Variants in XIRP2 observed in about 807,000 individuals in gnomAD.
The protein encoded by XIRP2 is xin actin-binding repeat-containing protein 2.
A neutral mutation model predicts 277.0 loss-of-function variants in XIRP2; 236 were observed. The observed-to-expected ratio is 0.85, with a 90% confidence interval of 0.77 to 0.95. The LOEUF is 0.95. Among genes scored for constraint, XIRP2 ranks in the 40% least tolerant of loss-of-function variants. The pLI is 0.00. For synonymous variants in XIRP2, 1,490 were observed against 1,416.5 expected (o/e 1.05, Z -1.17); for missense variants, 4,640 against 4,157.5 (o/e 1.12, Z -3.19).
At chr2:167,143,656 G>C (rs1365176008) in intron 3 of XIRP2, among the ~76,000 whole-genome samples, 1 of 152,208 alleles carries the variant, frequency 6.6e-6, no homozygotes, top group East Asian at 1.9e-4. Flanking sequence ...TCAGCTGCCA[G>C]GTTAGGAAGA....
chr2:167,242,728 T>C lies in XIRP2; in HGVS notation c.1336T>C (p.Ser446Pro), dbSNP rs1248633650. 1 of 1,614,108 alleles carries C rather than the reference T, an allele frequency of 6.2e-7. No individual in the cohort carries two copies. The highest frequency in any genetic ancestry group is 8.5e-7 in the Non-Finnish European group (1 of 1,179,996). Residue 446 changes from serine to proline, a missense_variant, in exon 9 of 11, where the codon TCA (serine) becomes CCA (proline). By Grantham distance (74) the Ser-to-Pro change is moderately conservative. Transcript: ENST00000409195. Reference sequence around the variant, plus strand: ...TCTGGCACAAATTAATGCTACTTCTTCAGGAATGACAGAAGAATTTCCTCC... The same window carrying C: ...TCTGGCACAAATTAATGCTACTTCTCCAGGAATGACAGAAGAATTTCCTCC... The part of the protein sequence containing the change: ...STLAQINATS[S>P]GMTEEFPPPP...
intron 3 of XIRP2, among the ~76,000 whole-genome samples, chr2:167,194,936 T>A (rs1693458728): frequency 6.6e-6 from 1 of 152,186 alleles, no homozygotes; most frequent in South Asian, 2.1e-4. Flanking sequence ...ACTATATGAG[T>A]ATAATGTAAC....
chr2:167,244,822 G>A lies in XIRP2; in HGVS notation c.3430G>A (p.Glu1144Lys), dbSNP rs940872811. The A allele has an allele frequency of 6.2e-7, 1 of 1,613,708 alleles. No homozygotes were observed. The highest frequency in any genetic ancestry group is 8.5e-7 in the Non-Finnish European group (1 of 1,179,748). Residue 1144 changes from glutamate (E) to lysine (K), a missense_variant, in exon 9 of 11, where the codon GAA becomes AAA. Physicochemically the swap from Glu to Lys is moderately conservative, Grantham distance 56. Transcript: ENST00000409195. ...ACTTGATACCATAAAAGATGACTCT[G>A]AAACAGCAGTCAAATTGCAAACTGT... The part of the protein sequence containing the change: ...QPLDTIKDDS[E>K]TAVKLQTVKQ...
intron 2 of XIRP2, among the ~76,000 whole-genome samples, chr2:167,130,638 C>A (rs779616841): frequency 6.6e-6 from 1 of 152,048 alleles, no homozygotes; most frequent in African/African-American, 2.4e-5. Flanking sequence ...CTTTATCTGT[C>A]TTCCAGTTTA....
intron 2 of XIRP2, among the ~76,000 whole-genome samples, chr2:166,998,312 G>A (rs996541482): frequency 6.6e-6 from 1 of 152,014 alleles, no homozygotes; most frequent in South Asian, 2.1e-4. Flanking sequence ...TTAGGTTAAG[G>A]TGACTCCAAG....
At chr2:166,983,168 C>T (rs140001923) in intron 2 of XIRP2, among the ~76,000 whole-genome samples, 3 of 152,026 alleles carry the variant, frequency 2.0e-5, no homozygotes, top group African/African-American at 7.2e-5. Context: ...AAGTTTTTTT[C>T]ATCTGTATTG....
intron 5 of XIRP2, among the ~76,000 whole-genome samples, chr2:167,230,864 A>C (rs1320105581): frequency 1.3e-5 from 2 of 152,066 alleles, no homozygotes; most frequent in African/African-American, 4.8e-5. Context: ...TTTACCAGCG[A>C]AGATACTGAG....
intron 2 of XIRP2, among the ~76,000 whole-genome samples, chr2:166,981,031 A>T (rs1310055190): frequency 1.3e-5 from 2 of 152,146 alleles, no homozygotes; most frequent in Non-Finnish European, 2.9e-5. Flanking sequence ...GAGTATTAGT[A>T]TGTTTACTGC....
At chr2:167,093,254 A>C (rs1168211148) in intron 2 of XIRP2, among the ~76,000 whole-genome samples, 2 of 151,206 alleles carry the variant, frequency 1.3e-5, no homozygotes, top group East Asian at 3.9e-4. Flanking sequence ...GATTAGTATA[A>C]TTATCAAGTG....
At position 167,244,059 on chromosome 2, in the gene XIRP2, C is replaced by G; in HGVS notation, c.2667C>G (p.Asp889Glu). 2 of 1,613,814 alleles carry G rather than the reference C, an allele frequency of 1.2e-6. No homozygotes were observed. The highest frequency in any genetic ancestry group is 1.7e-6 in the Non-Finnish European group (2 of 1,179,892). Residue 889 changes from aspartate (D) to glutamate (E), a missense_variant, in exon 9 of 11, where the codon GAC (aspartate) becomes GAG (glutamate). Transcript: ENST00000409195. ...CACTTCCAATTGAAGCATTAAAAGACAGTCCTGATATAGGAAAGCTTCAAA... is the reference window on the plus strand; with the variant it reads ...CACTTCCAATTGAAGCATTAAAAGAGAGTCCTGATATAGGAAAGCTTCAAA... ...FETLPIEALK[D>E]SPDIGKLQKI...
intron 2 of XIRP2, among the ~76,000 whole-genome samples, chr2:167,013,527 C>T (rs193112459): frequency 7.7e-4 from 116 of 151,490 alleles, no homozygotes; most frequent in Middle Eastern, 3.4e-3. Flanking sequence ...GGTTCTTCCT[C>T]ATATTAGAAA....
rs1460869226 is a variant in XIRP2, at chr2:167,250,051, C to T, written c.8659C>T (p.Pro2887Ser). 4.3e-6 allele frequency: 7 copies of T among 1,613,488 alleles called. No individual in the cohort carries two copies. Among genetic ancestry groups the T allele is most frequent in the South Asian group, 3.3e-5 (3 of 91,076 alleles). ...AAGTAAAGCTGAACATAAAAAATTGCCCCAGCCATATAATAGTCTGCAGGA... is the reference window on the plus strand; with the variant it reads ...AAGTAAAGCTGAACATAAAAAATTGTCCCAGCCATATAATAGTCTGCAGGA... ...AESKAEHKKL[P>S]QPYNSLQEEK... The change falls in exon 9 of 11, where the codon CCC becomes TCC. Residue 2887 changes from proline (P) to serine (S), a missense_variant. By Grantham distance (74) the Pro-to-Ser change is moderately conservative. Coordinates refer to ENST00000409195, the MANE Select transcript of XIRP2 (RefSeq NM_152381.6).
chr2:167,169,093 T>C (rs188788579), intron 3 of XIRP2, among the ~76,000 whole-genome samples: 4 of 152,266 alleles, frequency 2.6e-5, no homozygotes, highest in East Asian at 1.9e-4. Flanking sequence ...AATGAACCTT[T>C]AGTAGTATAG....
Position 167,250,746 on chromosome 2 carries a change from A to G in XIRP2, c.9354A>G (p.Pro3118=). 1.2e-6 allele frequency: 2 copies of G among 1,613,574 alleles called. No homozygotes were observed. Among genetic ancestry groups the G allele is most frequent in the Middle Eastern group, 3.3e-4 (2 of 6,058 alleles). ...CTCCTCCCTCTTTAAAAACACGCCC[A>G]CCGTCACCAACTTTTATCACAATAG... ...NIPPPSLKTR[P]PSPTFITIES... is the part of the protein sequence containing the mutation. The change falls in exon 9 of 11, where the codon CCA becomes CCG. Residue 3118 remains proline, a synonymous_variant. Transcript: ENST00000409195.
Position 167,248,533 on chromosome 2 carries a change from T to G in XIRP2, c.7141T>G (p.Ser2381Ala). Residue 2381 changes from serine (S) to alanine (A), a missense_variant, in exon 9 of 11, where the codon TCC (serine) becomes GCC (alanine). Physicochemically the swap from Ser to Ala is moderately conservative, Grantham distance 99. Coordinates refer to ENST00000409195, the MANE Select transcript of XIRP2 (RefSeq NM_152381.6). ...TPSQKPAHLL[S>A]SSAPEKHSGD... is the part of the protein sequence containing the mutation. Reference sequence around the variant, plus strand: ...ATCTCAAAAGCCAGCACATCTCCTTTCCTCCTCTGCTCCGGAAAAGCACAG... The same window carrying G: ...ATCTCAAAAGCCAGCACATCTCCTTGCCTCCTCTGCTCCGGAAAAGCACAG... The G allele has an allele frequency of 6.2e-7, 1 of 1,613,644 alleles. No homozygotes were observed. Among genetic ancestry groups the G allele is most frequent in the African/African-American group, 1.3e-5 (1 of 74,916 alleles).
intron 2 of XIRP2, among the ~76,000 whole-genome samples, chr2:167,005,886 C>G (rs1234008658): frequency 6.6e-6 from 1 of 151,724 alleles, no homozygotes; most frequent in South Asian, 2.1e-4. Flanking sequence ...TCTGACCAAC[C>G]TTCTGGATCA....
At chr2:167,228,252 T>G (rs760141443) in intron 5 of XIRP2, among the ~76,000 whole-genome samples, 7 of 152,196 alleles carry the variant, frequency 4.6e-5, no homozygotes, top group Non-Finnish European at 8.8e-5. Context: ...AACTGTCTGC[T>G]GAGGCATGAT....
intron 2 of XIRP2, among the ~76,000 whole-genome samples, chr2:166,926,620 T>C (rs191048409): frequency 1.2e-4 from 18 of 152,250 alleles, no homozygotes; most frequent in Admixed American, 3.9e-4. Context: ...AGTGTCCTAT[T>C]TGACAGATTT....
chr2:167,028,129 T>C (rs535475510), intron 2 of XIRP2, among the ~76,000 whole-genome samples: 19 of 152,196 alleles, frequency 1.2e-4, no homozygotes, highest in Non-Finnish European at 2.4e-4. Flanking sequence ...AAATATTAAA[T>C]TTTTCTTTCA....
Sources: gnomAD v4.1 joint callset for allele counts (sites outside exome capture counted in the v4.1 genomes callset) on GRCh38, gnomAD v4.1.1 for gene constraint, MANE v1.5 for transcripts, NCBI Gene and HGNC (gene_info 2026-07-23, HGNC 2026-07-21) for gene names.